CD86: variants seen among roughly 807,000 people sequenced by gnomAD.
The protein encoded by CD86 is CD86 molecule.
Under a neutral mutation model 32.1 loss-of-function variants are expected in CD86, and 11 were observed. The observed-to-expected ratio is 0.34, with a 90% CI of 0.22 to 0.57. The LOEUF is 0.57. CD86 is among the 20% of genes least tolerant of loss of function. The probability of loss-of-function intolerance (pLI) is 0.86; values close to 1 mark genes in which losing one functional copy is unlikely to be tolerated. For synonymous variants in CD86, 137 were observed against 135.3 expected, an observed-to-expected ratio of 1.01 and a Z score of -0.09; for missense variants, 359 against 398.4, an observed-to-expected ratio of 0.90 and a Z score of 0.84.
intron 1 of CD86, among the ~76,000 whole-genome samples, chr3:122,059,831 G>T (rs1305010410): frequency 6.6e-6 from 1 of 152,130 alleles, no homozygotes. Flanking sequence ...CAAGACAATT[G>T]TTGTGCTTAT....
chr3:122,070,668 T>G (rs2072476843), intron 1 of CD86, among the ~76,000 whole-genome samples: 1 of 152,172 alleles, frequency 6.6e-6, no homozygotes, highest in East Asian at 1.9e-4. Flanking sequence ...AACTGGGGCC[T>G]TTTCTTTAAT....
At chr3:122,114,253 T>C (rs529469411) in intron 5 of CD86, among the ~76,000 whole-genome samples, 1 of 147,688 alleles carries the variant, frequency 6.8e-6, no homozygotes, top group South Asian at 2.1e-4. Context: ...GATTCCGTCT[T>C]AAAAAATATA....
At chr3:122,059,499 G>A (rs1055481965) in intron 1 of CD86, among the ~76,000 whole-genome samples, 3 of 150,302 alleles carry the variant, frequency 2.0e-5, no homozygotes, top group African/African-American at 4.9e-5. Context: ...TAGCACCACG[G>A]CACTCCAGCC....
rs1376966030 is a variant in CD86, at chr3:122,118,078, A to T, written c.878A>T (p.Glu293Val). 1 of 1,612,442 alleles carries T rather than the reference A, an allele frequency of 6.2e-7. No individual in the cohort carries two copies. The highest frequency in any genetic ancestry group is 1.7e-5 in the Admixed American group (1 of 59,792). ...GTNTMEREES[E>V]QTKKREKIHI... ...AACACAATGGAGAGGGAAGAGAGTG[A>T]ACAGACCAAGAAAAGGTAAATCCTG... Residue 293 changes from glutamate to valine, a missense_variant, in exon 6 of 7, where the codon GAA becomes GTA. Glu to Val is a moderately radical substitution (Grantham distance 121, BLOSUM62 -2). Coordinates refer to ENST00000330540, the MANE Select transcript of CD86 (RefSeq NM_175862.5).
intron 1 of CD86, chr3:122,078,188 CCAT>C (rs756650227): frequency 3.9e-5 from 14 of 357,000 alleles, no homozygotes; most frequent in Admixed American, 6.4e-5. Flanking sequence ...AAACCTCTGA[CCAT>C]CAGGTTTGCT....
intron 5 of CD86, among the ~76,000 whole-genome samples, chr3:122,116,355 A>C (rs1403793041): frequency 6.6e-6 from 1 of 152,212 alleles, no homozygotes; most frequent in Admixed American, 6.5e-5. Flanking sequence ...TACATAACAG[A>C]AGAAGATATA....
intron 1 of CD86, among the ~76,000 whole-genome samples, chr3:122,074,090 A>G (rs1382372376): frequency 1.3e-5 from 2 of 152,198 alleles, no homozygotes; most frequent in African/African-American, 4.8e-5. Flanking sequence ...TGGTCTGTGA[A>G]GTCCGGCAGC....
chr3:122,095,876 G>A (rs12106776), intron 2 of CD86, among the ~76,000 whole-genome samples: 4,586 of 152,252 alleles, frequency 0.03, 226 homozygotes, highest in African/African-American at 0.1. Flanking sequence ...GACAGTCACT[G>A]AATAGGATGT....
intron 1 of CD86, among the ~76,000 whole-genome samples, chr3:122,069,688 C>T: frequency 6.6e-6 from 1 of 152,170 alleles, no homozygotes; most frequent in East Asian, 1.9e-4. Context: ...CCCCTGGCCC[C>T]TGTGGCCTTC....
rs372688764 is a variant in CD86 at position 122,110,304 on chromosome 3, T to A, written c.847+896T>A. 2.2e-4 allele frequency among the ~76,000 whole-genome samples: 34 copies of A among 152,346 alleles called. No homozygotes were observed. The South Asian group carries it at 6.8e-3, about 31-fold the overall frequency. On this transcript the variant is annotated intron_variant, in intron 5 of 6. Transcript: ENST00000330540. ...ACACCCTCCCCACTGACTTCTGTTA[T>A]AAAAATGTTTCATGGGGACAAAGTG...
At chr3:122,060,164 T>C (rs1392966649) in intron 1 of CD86, among the ~76,000 whole-genome samples, 3 of 152,096 alleles carry the variant, frequency 2.0e-5, no homozygotes, top group Non-Finnish European at 4.4e-5. Flanking sequence ...AAAACAGGAT[T>C]ACATCACTTA....
chr3:122,083,419 G>A (rs984149014), intron 1 of CD86, among the ~76,000 whole-genome samples: 8 of 151,960 alleles, frequency 5.3e-5, no homozygotes, highest in African/African-American at 1.5e-4. Flanking sequence ...CTGCCTCAGC[G>A]CCTTTGCATA....
intron 5 of CD86, among the ~76,000 whole-genome samples, chr3:122,115,939 A>G (rs1343300699): frequency 6.6e-6 from 1 of 152,114 alleles, no homozygotes; most frequent in Non-Finnish European, 1.5e-5. Context: ...CAGAAAGGAT[A>G]GTATTTTCAA....
intron 5 of CD86, among the ~76,000 whole-genome samples, chr3:122,114,965 G>A (rs2073228204): frequency 6.6e-6 from 1 of 152,212 alleles, no homozygotes; most frequent in South Asian, 2.1e-4. Flanking sequence ...GCGAATGTGG[G>A]GAGGATGTCT....
chr3:122,081,757 T>G (rs1286410054), intron 1 of CD86, among the ~76,000 whole-genome samples: 1 of 152,240 alleles, frequency 6.6e-6, no homozygotes, highest in East Asian at 1.9e-4. Context: ...AATCAACTCG[T>G]GCAAGTTCTA....
chr3:122,111,374 T>A (rs2107546406), intron 5 of CD86, among the ~76,000 whole-genome samples: 1 of 152,370 alleles, frequency 6.6e-6, no homozygotes, highest in Middle Eastern at 3.4e-3. Flanking sequence ...CCACCTCCTA[T>A]ACTCCAGAAC....
chr3:122,095,897 G>C (rs1325109181), intron 2 of CD86, among the ~76,000 whole-genome samples: 2 of 152,212 alleles, frequency 1.3e-5, no homozygotes, highest in Non-Finnish European at 2.9e-5. Context: ...GTATAGGGTT[G>C]TTTGGGAGCA....
chr3:122,083,429 A>G (rs1219912718), intron 1 of CD86, among the ~76,000 whole-genome samples: 1 of 152,030 alleles, frequency 6.6e-6, no homozygotes, highest in East Asian at 1.9e-4. Context: ...GCCTTTGCAT[A>G]TGCTGTTCCC....
intron 1 of CD86, among the ~76,000 whole-genome samples, chr3:122,070,070 T>C (rs921111242): frequency 9.2e-5 from 14 of 152,294 alleles, no homozygotes; most frequent in African/African-American, 3.1e-4. Flanking sequence ...TTCAAATAAG[T>C]GTATTTTGCT....
Sources: allele counts gnomAD v4.1 joint callset (sites outside exome capture counted in the v4.1 genomes callset), GRCh38; gene constraint gnomAD v4.1.1; transcripts MANE v1.5; gene names NCBI Gene and HGNC (gene_info 2026-07-23, HGNC 2026-07-21).